TET3: variants seen among roughly 807,000 people sequenced by gnomAD.
TET3 encodes tet methylcytosine dioxygenase 3.
TET3 carries 19 observed loss-of-function variants against 141.4 expected under a neutral mutation model. The ratio of observed to expected loss-of-function variants is 0.13; its 90% CI spans 0.09 to 0.20. TET3 has a LOEUF of 0.20. Among genes scored for constraint, TET3 ranks in the 10% least tolerant of loss-of-function variants. The probability of loss-of-function intolerance (pLI) is 1.00; values close to 1 mark genes in which losing one functional copy is unlikely to be tolerated. For synonymous variants in TET3, 1,043 were observed against 980.9 expected, an observed-to-expected ratio of 1.06 and a Z score of -1.18; for missense variants, 1,874 against 2,356.9, an observed-to-expected ratio of 0.80 and a Z score of 4.24.
At chr2:74,020,655 C>CTA (rs1685986680) in intron 3 of TET3, among the ~76,000 whole-genome samples, 1 of 152,200 alleles carries the variant, frequency 6.6e-6, no homozygotes, top group Non-Finnish European at 1.5e-5. Context: ...TGATGTCTAC[C>CTA]TGCCTTGGAG....
the TET3 span, chr2:74,134,659 G>A: frequency 6.6e-6 from 3 of 456,356 alleles, no homozygotes; most frequent in South Asian, 3.1e-5. Flanking sequence ...ATAATTTAGT[G>A]AAAGTCTGTG....
chr2:74,015,840 TATCAGTCCTTA>T (rs994544094), intron 3 of TET3, among the ~76,000 whole-genome samples: 1 of 152,154 alleles, frequency 6.6e-6, no homozygotes, highest in Non-Finnish European at 1.5e-5. Flanking sequence ...AGTGAGGAAT[TATCAGTCCTTA>T]ATTTTTGCCA....
At chr2:74,116,189 TAACA>T in the TET3 span, among the ~76,000 whole-genome samples, 3 of 152,068 alleles carry the variant, frequency 2.0e-5, no homozygotes, top group African/African-American at 7.2e-5. Flanking sequence ...GGATAGCTAT[TAACA>T]AAAAGACAAA....
the TET3 span, chr2:74,135,430 C>T: frequency 1.7e-6 from 2 of 1,186,246 alleles, no homozygotes; most frequent in East Asian, 2.6e-5. Context: ...TTGTTTGTTT[C>T]CTTTAATTAA....
chr2:74,098,135 C>T (rs1051046052), intron 10 of TET3, among the ~76,000 whole-genome samples: 19 of 151,980 alleles, frequency 1.3e-4, no homozygotes, highest in Admixed American at 6.6e-5. Flanking sequence ...AGTGAAAAAC[C>T]GAATCATTTT....
chr2:73,992,460 T>C (rs1230738704), intron 2 of TET3, among the ~76,000 whole-genome samples: 1 of 152,086 alleles, frequency 6.6e-6, no homozygotes, highest in African/African-American at 2.4e-5. Flanking sequence ...ATTACAGGCA[T>C]GTGCCATCAC....
At chr2:74,000,752 G>A (rs1684808401) in intron 2 of TET3, among the ~76,000 whole-genome samples, 1 of 152,284 alleles carries the variant, frequency 6.6e-6, no homozygotes, top group Non-Finnish European at 1.5e-5. Context: ...CACCAGCTGT[G>A]TTGACAGGCA....
intron 1 of TET3, among the ~76,000 whole-genome samples, chr2:73,985,423 G>C (rs1409822803): frequency 6.9e-6 from 1 of 144,694 alleles, no homozygotes; most frequent in African/African-American, 2.5e-5. Flanking sequence ...GCGCGCGCGC[G>C]GCCCGGCCCG....
intron 4 of TET3, among the ~76,000 whole-genome samples, chr2:74,056,410 T>G (rs1221484213): frequency 6.6e-6 from 1 of 152,234 alleles, no homozygotes; most frequent in Non-Finnish European, 1.5e-5. Context: ...TCTATTTTAA[T>G]GAGTATAGAA....
In TET3 at chr2:74,046,263, TC is replaced by T; in HGVS notation, c.361-14del. ...GTTCATTTTTTTCCTTTTTCCCCCT[TC>T]TCTCTCTCTTTAGACAGGCTCAGAG... is the stretch of plus-strand genomic sequence containing the variant. On this transcript the variant is annotated splice_polypyrimidine_tract_variant and intron_variant, in intron 3 of 11. Coordinates refer to ENST00000409262, the MANE Select transcript of TET3 (RefSeq NM_001287491.2). This position sits in a 1 kb window ranked among gnomAD's most constrained non-coding sequence, Gnocchi z 4.3. 5.5e-6 allele frequency: 8 copies of T among 1,466,540 alleles called. No individual in the cohort carries two copies. The highest frequency in any genetic ancestry group is 4.7e-5 in the South Asian group (3 of 63,376). 90.8% of individuals were successfully genotyped at this position (1,466,540 alleles called of 1,614,324 possible). A position where few individuals can be genotyped will look rare whatever the true frequency, so the allele number is the denominator to read the frequency against.
chr2:74,047,133 T>C lies in TET3; in HGVS notation c.1216T>C (p.Trp406Arg), dbSNP rs1366697080. 6.2e-7 allele frequency: 1 copy of C among 1,613,826 alleles called. No homozygotes were observed. The highest frequency in any genetic ancestry group is 8.5e-7 in the Non-Finnish European group (1 of 1,179,872). Residue 406 changes from tryptophan to arginine, a missense_variant, in exon 4 of 12, where the codon TGG becomes CGG. Trp to Arg is a moderately radical substitution (Grantham distance 101). Coordinates refer to ENST00000409262, the MANE Select transcript of TET3 (RefSeq NM_001287491.2). The part of the protein sequence containing the change: ...SPQSYLRAPS[W>R]PVVPPEEHSS... ...CCAGTCTTACCTCCGGGCTCCCTCA[T>C]GGCCTGTGGTTCCTCCTGAAGAGCA...
intron 3 of TET3, among the ~76,000 whole-genome samples, chr2:74,009,417 G>A (rs1685311556): frequency 6.6e-6 from 1 of 152,240 alleles, no homozygotes. Context: ...GGCTTGAATA[G>A]GCTCAGGCTG....
chr2:74,002,833 G>T (rs1202918506), intron 2 of TET3: 3 of 568,120 alleles, frequency 5.3e-6, no homozygotes, highest in Non-Finnish European at 9.4e-6. Context: ...ATGGCCGGGC[G>T]GACGCGGGCC....
chr2:74,080,674 C>T, intron 6 of TET3, 83 bp downstream of exon 6: 4 of 1,169,148 alleles, frequency 3.4e-6, no homozygotes, highest in Non-Finnish European at 3.5e-6. Flanking sequence ...GTTCCCCTTG[C>T]TGCATGTAGC....
In TET3 at chr2:74,001,077, C is replaced by T. The variant is rs183092159; in HGVS notation, c.304-2033C>T. On this transcript the variant is annotated intron_variant, in intron 2 of 11. Coordinates refer to ENST00000409262, the MANE Select transcript of TET3 (RefSeq NM_001287491.2). ...AGGGGCACAGAAACCCATTGTTCCA[C>T]CTGAGCTGTGCTTAGGACACTGTTC... 2.6e-5 allele frequency among the ~76,000 whole-genome samples: 4 copies of T among 152,292 alleles called. No individual in the cohort carries two copies. In the East Asian group the frequency reaches 7.7e-4, roughly 29 times the overall value.
At chr2:74,003,045 C>T in intron 2 of TET3, 65 bp from the exon 3 acceptor site, 2 of 1,530,672 alleles carry the variant, frequency 1.3e-6, no homozygotes, top group Non-Finnish European at 1.8e-6. Context: ...GGGGCTGTAG[C>T]AGGAGGACTT....
chr2:74,123,150 G>A, the TET3 span: 2 of 152,256 alleles, frequency 1.3e-5, no homozygotes, highest in South Asian at 4.1e-4. Context: ...ATCTGCTTTT[G>A]GAAAAATGAA....
chr2:73,986,829 A>G (rs1328269211), intron 2 of TET3, 123 bp downstream of exon 2: 1 of 929,070 alleles, frequency 1.1e-6, no homozygotes, highest in South Asian at 5.8e-5. Context: ...TCTTGGTCCA[A>G]CTTTAAGTAG....
chr2:74,065,638 C>A (rs1558762907), intron 4 of TET3, among the ~76,000 whole-genome samples: 1 of 147,924 alleles, frequency 6.8e-6, no homozygotes, highest in African/African-American at 2.5e-5. Context: ...TTCCTTCCTT[C>A]TCTTTCTCTC....
Sources: allele counts gnomAD v4.1 joint callset (sites outside exome capture counted in the v4.1 genomes callset), GRCh38; gene constraint gnomAD v4.1.1; non-coding constraint Gnocchi (gnomAD v3.1); transcripts MANE v1.5; gene names NCBI Gene and HGNC (gene_info 2026-07-23, HGNC 2026-07-21).